Variants in SLTM observed in about 807,000 individuals in gnomAD.
The protein encoded by SLTM is SAFB like transcription modulator.
A neutral mutation model predicts 134.6 loss-of-function variants in SLTM; 43 were observed. The ratio of observed to expected loss-of-function variants is 0.32; its 90% CI spans 0.25 to 0.41. The LOEUF is 0.41. Among genes scored for constraint, SLTM ranks in the 10% least tolerant of loss-of-function variants. The pLI is 1.00. For missense variants in SLTM, 1,055 were observed against 1,288.8 expected (o/e 0.82, Z 2.78); for synonymous variants, 424 against 432.3 (o/e 0.98, Z 0.24).
chr15:58,913,523 T>C lies in SLTM; in HGVS notation c.489A>G (p.Ile163Met), dbSNP rs1425246612. 1.2e-6 allele frequency: 2 copies of C among 1,610,350 alleles called. No individual in the cohort carries two copies. Among genetic ancestry groups the C allele is most frequent in the East Asian group, 2.2e-5 (1 of 44,736 alleles). The change falls in exon 4 of 21, where the codon ATA (isoleucine) becomes ATG (methionine). Residue 163 changes from isoleucine to methionine, a missense_variant. Around this residue, in one of 3 missense-constraint regions of SLTM, gnomAD observed 268 missense variants for 284.3 expected, o/e 0.94. Transcript: ENST00000380516. ...CCTGACTTTCGATGTCCTCTTTTTC[T>C]ATATCTTCTATTCCTTCTGCCTCTA... ...ELIEAEGIED[I>M]EKEDIESQEI... is the part of the protein sequence containing the mutation.
intron 5 of SLTM, 36 bp downstream of exon 5, chr15:58,912,527 A>G: frequency 6.4e-7 from 1 of 1,574,206 alleles, no homozygotes; most frequent in Non-Finnish European, 8.7e-7. Flanking sequence ...CCGTCCACCC[A>G]CAATATCGAA....
intron 5 of SLTM, among the ~76,000 whole-genome samples, chr15:58,904,984 C>T (rs1192725176): frequency 6.6e-6 from 1 of 152,160 alleles, no homozygotes; most frequent in Non-Finnish European, 1.5e-5. Context: ...CCTGGGATTA[C>T]AGGCGTGAGC....
In SLTM at chr15:58,928,315, T is replaced by C. The variant is rs574214579; in HGVS notation, c.250+4041A>G. Among the ~76,000 whole-genome samples, 2 of 152,322 alleles carry C rather than the reference T, an allele frequency of 1.3e-5. 1 individual carries two copies. Among genetic ancestry groups the C allele is most frequent in the African/African-American group, 4.8e-5 (2 of 41,568 alleles). ...CCTAATGAGAAGTTAGCTCTACCTG[T>C]TTAACTACTTTTTAAACACACACCC... On this transcript the variant is annotated intron_variant, in intron 2 of 20. Coordinates refer to ENST00000380516, the MANE Select transcript of SLTM (RefSeq NM_024755.4).
At chr15:58,928,384 A>C (rs1595953164) in intron 2 of SLTM, among the ~76,000 whole-genome samples, 1 of 152,280 alleles carries the variant, frequency 6.6e-6, no homozygotes, top group African/African-American at 2.4e-5. Context: ...CTTTCTCCTA[A>C]GTTACTTATT....
At position 58,879,845 on chromosome 15, in the gene SLTM, C is replaced by G; in HGVS notation, c.*154G>C. On this transcript the variant is annotated 3_prime_UTR_variant, in exon 21 of 21. Coordinates refer to ENST00000380516, the MANE Select transcript of SLTM (RefSeq NM_024755.4). ...TACAACAGAACTATTTAAACATCTT[C>G]TCCAAAATTGAGAAAAGCAATCATG... 2.1e-6 allele frequency: 2 copies of G among 942,064 alleles called. No individual in the cohort carries two copies. The highest frequency in any genetic ancestry group is 3.0e-6 in the Non-Finnish European group (2 of 667,442). 58.4% of individuals were successfully genotyped at this position (942,064 alleles called of 1,614,324 possible).
At chr15:58,902,611 G>A (rs531142319) in intron 5 of SLTM, among the ~76,000 whole-genome samples, 1 of 151,574 alleles carries the variant, frequency 6.6e-6, no homozygotes, top group East Asian at 1.9e-4. Flanking sequence ...GGGCTGGTCT[G>A]GAACTCCCAG....
At chr15:58,910,744 T>C (rs1313323525) in intron 5 of SLTM, among the ~76,000 whole-genome samples, 2 of 88,250 alleles carry the variant, frequency 2.3e-5, no homozygotes, top group Non-Finnish European at 4.7e-5. Flanking sequence ...TCATAGATTC[T>C]TTTTTTTTTT....
At chr15:58,883,355 T>C (rs552465487) in intron 20 of SLTM, 12 of 344,060 alleles carry the variant, frequency 3.5e-5, no homozygotes, top group Middle Eastern at 8.6e-4. Context: ...ATTCATTGTT[T>C]ACTGGATCCT....
Position 58,883,657 on chromosome 15 carries a change from C to A in SLTM, c.2965G>T (p.Ala989Ser). The A allele has an allele frequency of 6.2e-7, 1 of 1,614,134 alleles. No individual in the cohort carries two copies. The highest frequency in any genetic ancestry group is 8.5e-7 in the Non-Finnish European group (1 of 1,180,038). Residue 989 changes from alanine to serine, a missense_variant, in exon 20 of 21, where the codon GCA (alanine) becomes TCA (serine). Physicochemically the swap from Ala to Ser is moderately conservative, Grantham distance 99. Around this residue, in one of 3 missense-constraint regions of SLTM, gnomAD observed 776 missense variants for 962.2 expected, o/e 0.81. Coordinates refer to ENST00000380516, the MANE Select transcript of SLTM (RefSeq NM_024755.4). ...TGTTGGGTTATCATGCCTGCTCCTG[C>A]CCGGCCGTCACCCATTCGCCTCGTA... ...HDTRRMGDGR[A>S]GAGMITQHSS...
Position 58,880,097 on chromosome 15 carries a change from G to A in SLTM, c.3007C>T (p.Pro1003Ser), listed in dbSNP as rs1271841243. The A allele has an allele frequency of 1.9e-6, 3 of 1,611,736 alleles. No homozygotes were observed. Among genetic ancestry groups the A allele is most frequent in the Admixed American group, 1.7e-5 (1 of 59,630 alleles). ...MITQHSSNAS[P>S]INRIVQISGN... is the part of the protein sequence containing the mutation. Reference sequence around the variant, plus strand: ...CTGATTTGTACAATTCTATTAATTGGGGATGCGTTACTGAAAAAGGTTTAA... The same window carrying A: ...CTGATTTGTACAATTCTATTAATTGAGGATGCGTTACTGAAAAAGGTTTAA... The change falls in exon 21 of 21, where the codon CCA becomes TCA. Residue 1003 changes from proline (P) to serine (S), a missense_variant. By Grantham distance (74) the Pro-to-Ser change is moderately conservative (BLOSUM62 -1). Around this residue, in one of 3 missense-constraint regions of SLTM, gnomAD observed 776 missense variants for 962.2 expected, o/e 0.81. Transcript: ENST00000380516.
At chr15:58,929,267 T>G (rs1477168439) in intron 2 of SLTM, among the ~76,000 whole-genome samples, 1 of 152,074 alleles carries the variant, frequency 6.6e-6, no homozygotes, top group Non-Finnish European at 1.5e-5. Context: ...CCTGACCAAC[T>G]GGAGAAACCC....
At chr15:58,900,084 T>A in intron 6 of SLTM, 147 bp from the exon 7 acceptor site, 1 of 640,804 alleles carries the variant, frequency 1.6e-6, no homozygotes, top group Non-Finnish European at 2.6e-6. Flanking sequence ...ACAAGGGTAT[T>A]AACTAACATA....
chr15:58,913,531 C>T lies in SLTM; in HGVS notation c.481G>A (p.Glu161Lys). The part of the protein sequence containing the change: ...AHELIEAEGI[E>K]DIEKEDIESQ... The stretch of plus-strand genomic sequence containing the variant: ...TCGATGTCCTCTTTTTCTATATCTT[C>T]TATTCCTTCTGCCTCTATTAATTCA... Residue 161 changes from glutamate (E) to lysine (K), a missense_variant, in exon 4 of 21, where the codon GAA (glutamate) becomes AAA (lysine). This residue lies in a region of SLTM where 268 missense variants were observed against 284.3 expected (regional missense o/e 0.94). Coordinates refer to ENST00000380516, the MANE Select transcript of SLTM (RefSeq NM_024755.4). The T allele has an allele frequency of 6.2e-7, 1 of 1,612,242 alleles. No individual in the cohort carries two copies. Among genetic ancestry groups the T allele is most frequent in the Non-Finnish European group, 8.5e-7 (1 of 1,179,616 alleles).
Position 58,894,601 on chromosome 15 carries a change from C to G in SLTM, c.1228-19G>C. Reference sequence around the variant, plus strand: ...TCAGAACCTATAAAATCAGACTGTACTTTAGAGAGTTTTACAACGTTCCAA... The same window carrying G: ...TCAGAACCTATAAAATCAGACTGTAGTTTAGAGAGTTTTACAACGTTCCAA... On this transcript the variant is annotated intron_variant, in intron 9 of 20. Transcript: ENST00000380516. The G allele has an allele frequency of 6.2e-7, 1 of 1,613,072 alleles. No individual in the cohort carries two copies. Among genetic ancestry groups the G allele is most frequent in the Non-Finnish European group, 8.5e-7 (1 of 1,179,340 alleles).
intron 20 of SLTM, among the ~76,000 whole-genome samples, chr15:58,882,180 T>TGAAAAAAAAAAAA (rs2033776231): frequency 3.2e-4 from 1 of 3,106 alleles, no homozygotes; most frequent in Admixed American, 8.9e-3. Context: ...AGACTCTGTC[T>TGAAAAAAAAAAAA]CAAAAAAAAA....
rs572400567 is a variant in SLTM at position 58,913,473 on chromosome 15, T to C, written c.513+26A>G. The C allele has an allele frequency of 1.4e-5, 21 of 1,551,636 alleles. No homozygotes were observed. The East Asian group carries it at 4.3e-4, about 32-fold the overall frequency. ...TTTAAAACTTAATTTATCTGTGTCA[T>C]GTTTTAAAAAAAACTGGCTAAAGAC... On this transcript the variant is annotated intron_variant, in intron 4 of 20. Coordinates refer to ENST00000380516, the MANE Select transcript of SLTM (RefSeq NM_024755.4).
intron 7 of SLTM, 53 bp from the exon 8 acceptor site, chr15:58,898,905 C>T: frequency 7.9e-7 from 1 of 1,270,824 alleles, no homozygotes; most frequent in Non-Finnish European, 1.1e-6. Context: ...AAAACAAACC[C>T]AAAACAGAAC....
intron 2 of SLTM, 139 bp downstream of exon 2, chr15:58,932,217 C>T: frequency 1.5e-6 from 1 of 661,312 alleles, no homozygotes; most frequent in East Asian, 2.6e-5. Flanking sequence ...AGTAACTTTT[C>T]TTCCTTGACC....
Position 58,897,097 on chromosome 15 carries a change from A to G in SLTM, c.1227+18T>C. ...TGCAGACACCAGAAAGACAGATAAA[A>G]AGGTAAAAAGAATGTACCTTTCCAT... On this transcript the variant is annotated intron_variant, in intron 9 of 20. Coordinates refer to ENST00000380516, the MANE Select transcript of SLTM (RefSeq NM_024755.4). 2 of 1,426,270 alleles carry G rather than the reference A, an allele frequency of 1.4e-6. No homozygotes were observed. The highest frequency in any genetic ancestry group is 2.0e-6 in the Non-Finnish European group (2 of 1,009,528). The allele number at this position is 1,426,270 out of a possible 1,614,324, so 88.4% of individuals were successfully genotyped here.
Sources: allele counts gnomAD v4.1 joint callset (sites outside exome capture counted in the v4.1 genomes callset), GRCh38; gene constraint gnomAD v4.1.1; regional missense constraint gnomAD v4.1.1; transcripts MANE v1.5; gene names NCBI Gene and HGNC (gene_info 2026-07-23, HGNC 2026-07-21).